Variants in KCNIP4 observed in about 807,000 individuals in gnomAD.
KCNIP4 encodes the protein potassium voltage-gated channel interacting protein 4.
KCNIP4 carries 12 observed loss-of-function variants against 34.0 expected under a neutral mutation model. The observed-to-expected ratio is 0.35, with a 90% CI of 0.23 to 0.57. The LOEUF (loss-of-function observed/expected upper bound fraction) is 0.57. Among genes scored for constraint, KCNIP4 ranks in the 20% least tolerant of loss-of-function variants. KCNIP4 has a pLI of 0.83. For missense variants in KCNIP4, 238 were observed against 311.7 expected, an observed-to-expected ratio of 0.76 and a Z score of 1.78; for synonymous variants, 124 against 102.2, an observed-to-expected ratio of 1.21 and a Z score of -1.29.
chr4:20,986,703 A>G (rs1036220453), intron 1 of KCNIP4, among the ~76,000 whole-genome samples: 1 of 152,100 alleles, frequency 6.6e-6, no homozygotes, highest in South Asian at 2.1e-4. Flanking sequence ...TTGCCAATTG[A>G]TCTCTTAGTT....
intron 1 of KCNIP4, among the ~76,000 whole-genome samples, chr4:21,320,698 C>T (rs1215179111): frequency 1.3e-5 from 2 of 152,118 alleles, no homozygotes; most frequent in East Asian, 1.9e-4. Flanking sequence ...AGGCCGGAAG[C>T]GGTGGCTCAT....
intron 1 of KCNIP4, among the ~76,000 whole-genome samples, chr4:21,586,107 G>A (rs73252284): frequency 0.065 from 9,938 of 152,062 alleles, 474 homozygotes; most frequent in African/African-American, 0.13. Context: ...CCAGCAATGA[G>A]TTAAGAACTC....
At chr4:21,287,642 C>A (rs1763200224) in intron 1 of KCNIP4, among the ~76,000 whole-genome samples, 1 of 152,156 alleles carries the variant, frequency 6.6e-6, no homozygotes, top group Admixed American at 6.5e-5. Context: ...GTGGAAGAAC[C>A]TGATACCAAG....
chr4:20,859,333 G>C (rs969211090), intron 2 of KCNIP4, among the ~76,000 whole-genome samples: 1 of 152,166 alleles, frequency 6.6e-6, no homozygotes, highest in Non-Finnish European at 1.5e-5. Flanking sequence ...GTTATCTCCA[G>C]GCCATGCAGA....
chr4:21,792,905 G>A (rs1020758422), intron 1 of KCNIP4, among the ~76,000 whole-genome samples: 17 of 152,178 alleles, frequency 1.1e-4, no homozygotes, highest in African/African-American at 3.6e-4. Context: ...TGACAGTCAA[G>A]GGCACTATTC....
intron 1 of KCNIP4, among the ~76,000 whole-genome samples, chr4:21,908,030 G>A (rs1330899978): frequency 2.0e-5 from 3 of 152,000 alleles, no homozygotes; most frequent in Non-Finnish European, 4.4e-5. Flanking sequence ...TAAATGGGAG[G>A]TTACTCTCTC....
intron 2 of KCNIP4, among the ~76,000 whole-genome samples, chr4:20,857,735 T>C (rs1257133740): frequency 2.6e-5 from 4 of 152,086 alleles, no homozygotes; most frequent in African/African-American, 9.7e-5. Context: ...TAACCTCTCC[T>C]CTCTTATTTT....
chr4:21,445,188 G>T (rs1727867091), intron 1 of KCNIP4, among the ~76,000 whole-genome samples: 2 of 152,144 alleles, frequency 1.3e-5, no homozygotes, highest in Non-Finnish European at 2.9e-5. Flanking sequence ...TCTTGAAAAT[G>T]GCCATACTGC....
intron 3 of KCNIP4, among the ~76,000 whole-genome samples, chr4:20,809,919 G>A (rs1031017837): frequency 2.0e-5 from 3 of 152,130 alleles, no homozygotes; most frequent in Non-Finnish European, 2.9e-5. Context: ...CAAAGGCTCC[G>A]GCCTGCTGGA....
intron 3 of KCNIP4, among the ~76,000 whole-genome samples, chr4:20,817,737 T>C (rs1299745854): frequency 6.6e-6 from 1 of 151,670 alleles, no homozygotes; most frequent in Non-Finnish European, 1.5e-5. Flanking sequence ...TGAATAAATA[T>C]ATATATTAGA....
intron 1 of KCNIP4, among the ~76,000 whole-genome samples, chr4:20,984,679 G>C (rs1736416108): frequency 6.6e-6 from 1 of 152,194 alleles, no homozygotes; most frequent in Non-Finnish European, 1.5e-5. Flanking sequence ...TTATCAGGGA[G>C]ATTGATTTAG....
chr4:21,773,190 G>C (rs1306248742), intron 1 of KCNIP4, among the ~76,000 whole-genome samples: 1 of 152,152 alleles, frequency 6.6e-6, no homozygotes, highest in Non-Finnish European at 1.5e-5. Flanking sequence ...AGTCATTCAA[G>C]AGCAGGCTGT....
intron 1 of KCNIP4, among the ~76,000 whole-genome samples, chr4:21,472,453 T>A (rs1484348994): frequency 6.6e-6 from 1 of 152,126 alleles, no homozygotes; most frequent in Non-Finnish European, 1.5e-5. Context: ...GTGGGGGGGT[T>A]AATATTACTA....
intron 1 of KCNIP4, among the ~76,000 whole-genome samples, chr4:21,894,381 T>A (rs182048063): frequency 2.9e-4 from 44 of 151,996 alleles, no homozygotes; most frequent in Non-Finnish European, 4.4e-4. Context: ...AGCTACTTTT[T>A]AATGCAATCT....
chr4:21,109,216 G>GAGGC (rs1214475083), intron 1 of KCNIP4, among the ~76,000 whole-genome samples: 1 of 152,170 alleles, frequency 6.6e-6, no homozygotes, highest in East Asian at 1.9e-4. Flanking sequence ...GGAGCCTACA[G>GAGGC]AGGCAGGCAG....
At chr4:21,308,194 AC>A (rs1712700217) in intron 1 of KCNIP4, among the ~76,000 whole-genome samples, 1 of 152,204 alleles carries the variant, frequency 6.6e-6, no homozygotes, top group African/African-American at 2.4e-5. Context: ...AAACCTAAAT[AC>A]TGGCTCCAAA....
chr4:21,683,577 T>C (rs1187737600), intron 1 of KCNIP4, among the ~76,000 whole-genome samples: 1 of 144,592 alleles, frequency 6.9e-6, no homozygotes, highest in Non-Finnish European at 1.5e-5. Flanking sequence ...CACGCCATTC[T>C]CCTGCCTCAG....
chr4:21,362,364 T>G (rs1442382534), intron 1 of KCNIP4, among the ~76,000 whole-genome samples: 1 of 152,128 alleles, frequency 6.6e-6, no homozygotes, highest in Non-Finnish European at 1.5e-5. Context: ...AACTTGCCAT[T>G]CTGCCAACTG....
chr4:21,409,476 G>A (rs1039821382), intron 1 of KCNIP4, among the ~76,000 whole-genome samples: 11 of 152,032 alleles, frequency 7.2e-5, no homozygotes, highest in Admixed American at 6.6e-4. Flanking sequence ...TAAAGATCAA[G>A]CATCTGTGCT....
Sources: gnomAD v4.1 joint callset for allele counts (sites outside exome capture counted in the v4.1 genomes callset) on GRCh38, gnomAD v4.1.1 for gene constraint, MANE v1.5 for transcripts, NCBI Gene and HGNC (gene_info 2026-07-23, HGNC 2026-07-21) for gene names.